The following ERC2 variants were observed in gnomAD, a reference collection of about 807,000 sequenced individuals.
ERC2 encodes ERC protein 2.
ERC2 carries 42 observed loss-of-function variants against 114.8 expected under a neutral mutation model. The ratio of observed to expected loss-of-function variants is 0.37; its 90% CI spans 0.29 to 0.47. The LOEUF (loss-of-function observed/expected upper bound fraction) is 0.47, where lower values mean the gene tolerates loss of function less well. ERC2 is among the 20% of genes least tolerant of loss of function. ERC2 has a pLI of 0.99. For missense variants in ERC2, 939 were observed against 1,150.7 expected (o/e 0.82, Z 2.66); for synonymous variants, 454 against 425.5 (o/e 1.07, Z -0.82).
chr3:55,608,256 G>GAGCA (rs1212063900), intron 17 of ERC2, among the ~76,000 whole-genome samples: 6 of 152,212 alleles, frequency 3.9e-5, no homozygotes. Flanking sequence ...CTAAGAAGCA[G>GAGCA]AGCAAGCGGC....
In ERC2 at chr3:55,990,730, G is replaced by T. The variant is rs137908146; in HGVS notation, c.2255+1327C>A. Among the ~76,000 whole-genome samples, 1,339 of 152,242 alleles carry T rather than the reference G, an allele frequency of 8.8e-3. 17 individuals carry two copies. Among genetic ancestry groups the T allele is most frequent in the African/African-American group, 0.029 (1,212 of 41,536 alleles). ...CATATCTGGCCTTGATAATTTATTT[G>T]TTTTAGCATTTGTTCATAATGATAT... is the stretch of plus-strand genomic sequence containing the variant. On this transcript the variant is annotated intron_variant, in intron 11 of 17. Transcript: ENST00000288221.
Position 56,235,705 on chromosome 3 carries a change from C to A in ERC2, c.1074+60314G>T, listed in dbSNP as rs567524571. ...AGTCCAATGCAGTAGCCACTAACCA[C>A]AAATGACTATTTAAATTTAAATTTT... is the stretch of plus-strand genomic sequence containing the variant. On this transcript the variant is annotated intron_variant, in intron 3 of 17. Coordinates refer to ENST00000288221, the MANE Select transcript of ERC2 (RefSeq NM_015576.3). 2.6e-3 allele frequency among the ~76,000 whole-genome samples: 392 copies of A among 152,228 alleles called. 1 individual carries two copies. Among genetic ancestry groups the A allele is most frequent in the Non-Finnish European group, 4.7e-3 (319 of 68,006 alleles).
At chr3:56,267,743 C>A (rs1275068824) in intron 3 of ERC2, among the ~76,000 whole-genome samples, 1 of 152,146 alleles carries the variant, frequency 6.6e-6, no homozygotes, top group Non-Finnish European at 1.5e-5. Context: ...CTTGCCACTG[C>A]ACTCCAGCCT....
Position 56,164,106 on chromosome 3 carries a change from A to G in ERC2, c.1149+9340T>C, listed in dbSNP as rs536369335. ...TTTATAATATTTTTCTTTATTTTTAATAACAGCTTTCATGAGCTATAATAC... is the reference window on the plus strand; with the variant it reads ...TTTATAATATTTTTCTTTATTTTTAGTAACAGCTTTCATGAGCTATAATAC... On this transcript the variant is annotated intron_variant, in intron 4 of 17. Coordinates refer to ENST00000288221, the MANE Select transcript of ERC2 (RefSeq NM_015576.3). 4.6e-5 allele frequency among the ~76,000 whole-genome samples: 7 copies of G among 152,158 alleles called. No individual in the cohort carries two copies. The South Asian group carries it at 1.5e-3, about 32-fold the overall frequency.
intron 17 of ERC2, among the ~76,000 whole-genome samples, chr3:55,674,471 T>C (rs2061695826): frequency 1.3e-5 from 2 of 152,226 alleles, no homozygotes; most frequent in South Asian, 4.1e-4. Context: ...ATATACTTAT[T>C]AAATTTCCTA....
At chr3:56,382,986 T>C (rs552610907) in intron 2 of ERC2, among the ~76,000 whole-genome samples, 2 of 152,266 alleles carry the variant, frequency 1.3e-5, no homozygotes, top group East Asian at 1.9e-4. Context: ...ATCCTACCAG[T>C]TGCCCAGGCC....
chr3:55,829,676 A>G (rs1034310083), intron 14 of ERC2, among the ~76,000 whole-genome samples: 3 of 152,122 alleles, frequency 2.0e-5, no homozygotes, highest in Non-Finnish European at 2.9e-5. Context: ...CACCACATCC[A>G]GTTAATTGCT....
intron 3 of ERC2, among the ~76,000 whole-genome samples, chr3:56,226,903 TACTCCAAAGACATTGGCAGC>T (rs1198495647): frequency 6.6e-6 from 1 of 152,204 alleles, no homozygotes; most frequent in Non-Finnish European, 1.5e-5. Context: ...TGCCCATGAT[TACTCCAAAGACATTGGCAGC>T]ACCCAAAACT....
At chr3:56,181,024 C>G (rs1328040243) in intron 3 of ERC2, among the ~76,000 whole-genome samples, 1 of 152,102 alleles carries the variant, frequency 6.6e-6, no homozygotes, top group Non-Finnish European at 1.5e-5. Context: ...ACAGAAATAC[C>G]AGCTGTCTAT....
chr3:55,733,542 TCACACA>T lies in ERC2; in HGVS notation c.2712+1223_2712+1228del, dbSNP rs58311179. On this transcript the variant is annotated intron_variant, in intron 15 of 17. Coordinates refer to ENST00000288221, the MANE Select transcript of ERC2 (RefSeq NM_015576.3). Reference sequence around the variant, plus strand: ...CTGTCTCTCATTCTTTCTCTCTCTCTCACACACACACACACACACACACACACACAC... The same window carrying T: ...CTGTCTCTCATTCTTTCTCTCTCTCTCACACACACACACACACACACACAC... Among the ~76,000 whole-genome samples the T allele has an allele frequency of 4.6e-3, 494 of 107,876 alleles. 6 individuals carry two copies. Among genetic ancestry groups the T allele is most frequent in the African/African-American group, 0.012 (333 of 27,390 alleles). The allele number at this position is 107,876 out of a possible 152,430, so 70.8% of individuals were successfully genotyped here.
intron 2 of ERC2, among the ~76,000 whole-genome samples, chr3:56,431,512 C>A (rs1260829367): frequency 2.6e-5 from 4 of 152,306 alleles, no homozygotes; most frequent in African/African-American, 4.8e-5. Context: ...AGTCACCTGA[C>A]CTGCTTCTTA....
At chr3:55,613,173 G>A (rs2058977507) in intron 17 of ERC2, 1 of 152,216 alleles carries the variant, frequency 6.6e-6, no homozygotes, top group South Asian at 2.1e-4. Flanking sequence ...CCTAGTTCCA[G>A]TTAGAATACC....
chr3:56,237,252 G>A (rs991640320), intron 3 of ERC2, among the ~76,000 whole-genome samples: 6 of 149,820 alleles, frequency 4.0e-5, no homozygotes, highest in South Asian at 4.3e-4. Context: ...ACCAGATGAC[G>A]GCGTCACCCT....
Position 55,890,511 on chromosome 3 carries a change from C to T in ERC2, c.2404-1962G>A, listed in dbSNP as rs565572966. ...TGCAATCTATAGACACAGAGCTACTCAGCTGGGTTTCCAAATCTTAGATCA... is the reference window on the plus strand; with the variant it reads ...TGCAATCTATAGACACAGAGCTACTTAGCTGGGTTTCCAAATCTTAGATCA... On this transcript the variant is annotated intron_variant, in intron 13 of 17. Transcript: ENST00000288221. Among the ~76,000 whole-genome samples, 19 of 152,336 alleles carry T rather than the reference C, an allele frequency of 1.2e-4. No individual in the cohort carries two copies. The South Asian group carries it at 3.9e-3, about 32-fold the overall frequency.
intron 13 of ERC2, among the ~76,000 whole-genome samples, chr3:55,897,633 C>T (rs2063905861): frequency 6.6e-6 from 1 of 152,204 alleles, no homozygotes; most frequent in African/African-American, 2.4e-5. Flanking sequence ...ACCCTGAGAT[C>T]AGAAGGTGAA....
At chr3:55,634,122 G>A (rs1426552212) in intron 17 of ERC2, among the ~76,000 whole-genome samples, 1 of 152,216 alleles carries the variant, frequency 6.6e-6, no homozygotes, top group Non-Finnish European at 1.5e-5. Context: ...TCCTATGTAT[G>A]TGGTTTTCAG....
At chr3:56,083,036 G>A (rs2077317698) in intron 6 of ERC2, among the ~76,000 whole-genome samples, 1 of 152,162 alleles carries the variant, frequency 6.6e-6, no homozygotes, top group Non-Finnish European at 1.5e-5. Context: ...GGTCGCTGGT[G>A]CCAAAAAGGT....
intron 3 of ERC2, among the ~76,000 whole-genome samples, chr3:56,178,454 C>T (rs1218135300): frequency 6.6e-6 from 1 of 152,114 alleles, no homozygotes; most frequent in Middle Eastern, 3.2e-3. Flanking sequence ...TATTACCTAA[C>T]CTTGAAAGTC....
intron 2 of ERC2, among the ~76,000 whole-genome samples, chr3:56,296,716 C>T (rs1294229518): frequency 6.6e-6 from 1 of 152,130 alleles, no homozygotes; most frequent in African/African-American, 2.4e-5. Flanking sequence ...AATTATACAT[C>T]TACAGAGTTT....
Sources: gnomAD v4.1 joint callset for allele counts (sites outside exome capture counted in the v4.1 genomes callset) on GRCh38, gnomAD v4.1.1 for gene constraint, MANE v1.5 for transcripts, NCBI Gene and HGNC (gene_info 2026-07-23, HGNC 2026-07-21) for gene names.